Variants in PTPRZ1 observed in about 807,000 individuals in gnomAD.
PTPRZ1 encodes receptor-type tyrosine-protein phosphatase zeta.
PTPRZ1 carries 82 observed loss-of-function variants against 214.1 expected under a neutral mutation model. That is an observed-to-expected ratio of 0.38 (90% CI 0.32 to 0.46). The LOEUF is 0.46. Ranked by LOEUF, PTPRZ1 falls within the 20% of genes least tolerant of loss-of-function variation. PTPRZ1 has a pLI of 1.00. For synonymous variants in PTPRZ1, 945 were observed against 987.9 expected (o/e 0.96, Z 0.81); for missense variants, 2,603 against 2,748.7 (o/e 0.95, Z 1.19).
intron 15 of PTPRZ1, among the ~76,000 whole-genome samples, chr7:122,032,294 C>G (rs1178336716): frequency 6.6e-6 from 1 of 152,196 alleles, no homozygotes; most frequent in Non-Finnish European, 1.5e-5. Flanking sequence ...TCAACTTTCA[C>G]CCATCTCTGG....
At chr7:121,904,549 TTTTTG>T (rs1468469221) in intron 1 of PTPRZ1, among the ~76,000 whole-genome samples, 3 of 152,232 alleles carry the variant, frequency 2.0e-5, no homozygotes, top group Admixed American at 2.0e-4. Flanking sequence ...TTTTTGATCT[TTTTTG>T]TTTTAACACA....
At chr7:121,909,804 T>C (rs934850286) in intron 1 of PTPRZ1, among the ~76,000 whole-genome samples, 2 of 152,030 alleles carry the variant, frequency 1.3e-5, no homozygotes, top group Admixed American at 6.6e-5. Flanking sequence ...TATCTGAAAA[T>C]ATGGAGTTAA....
intron 1 of PTPRZ1, among the ~76,000 whole-genome samples, chr7:121,904,033 A>G (rs1177626413): frequency 6.6e-6 from 1 of 151,504 alleles, no homozygotes; most frequent in Non-Finnish European, 1.5e-5. Context: ...TAAAATTTGA[A>G]CAAAAAGTTC....
chr7:121,877,333 C>CTGTT (rs1464852635), intron 1 of PTPRZ1, among the ~76,000 whole-genome samples: 1 of 152,174 alleles, frequency 6.6e-6, no homozygotes, highest in Non-Finnish European at 1.5e-5. Flanking sequence ...GATCAATTTG[C>CTGTT]TGTTTGGCAT....
rs371636663 is a variant in PTPRZ1 at position 122,011,265 on chromosome 7, C to T, written c.2219C>T (p.Thr740Met). The change falls in exon 12 of 30, where the codon ACG (threonine) becomes ATG (methionine). Residue 740 changes from threonine (T) to methionine (M), a missense_variant. Thr to Met is a moderately conservative substitution (Grantham distance 81). Around this residue, in one of 6 missense-constraint regions of PTPRZ1, gnomAD observed 1,913 missense variants for 1,914.3 expected, o/e 1.00. Transcript: ENST00000393386. ...PSSRQQDLVS[T>M]VNVVYSQTTQ... is the part of the protein sequence containing the mutation. ...TCCAGACAACAGGATTTGGTCTCCA[C>T]GGTCAACGTGGTATACTCGCAGACA... 6.2e-6 allele frequency: 10 copies of T among 1,613,954 alleles called. No individual in the cohort carries two copies. In the East Asian group the frequency reaches 6.7e-5, roughly 11 times the overall value.
chr7:121,907,996 T>G (rs981544171), intron 1 of PTPRZ1, among the ~76,000 whole-genome samples: 2 of 152,074 alleles, frequency 1.3e-5, no homozygotes, highest in Non-Finnish European at 1.5e-5. Flanking sequence ...ATTCAGACTC[T>G]GAGTAGAGAA....
chr7:121,914,680 A>C (rs1377330078), intron 1 of PTPRZ1, among the ~76,000 whole-genome samples: 1 of 152,202 alleles, frequency 6.6e-6, no homozygotes, highest in African/African-American at 2.4e-5. Flanking sequence ...GGTATTTTAA[A>C]GACCAAAATT....
intron 9 of PTPRZ1, among the ~76,000 whole-genome samples, chr7:121,997,113 C>A (rs975341418): frequency 1.7e-4 from 26 of 152,128 alleles, no homozygotes; most frequent in Non-Finnish European, 3.4e-4. Flanking sequence ...GTACAGATTC[C>A]CTTTGTGGCC....
intron 11 of PTPRZ1, among the ~76,000 whole-genome samples, chr7:122,007,012 T>G (rs555824902): frequency 5.6e-4 from 85 of 151,928 alleles, no homozygotes; most frequent in African/African-American, 2.0e-3. Context: ...ACCAGTTAGG[T>G]AAGGAACCTC....
At chr7:121,900,066 A>G (rs987029258) in intron 1 of PTPRZ1, among the ~76,000 whole-genome samples, 1 of 152,172 alleles carries the variant, frequency 6.6e-6, no homozygotes, top group Non-Finnish European at 1.5e-5. Context: ...GAGACAGAAC[A>G]GGGCACGAGA....
intron 10 of PTPRZ1, among the ~76,000 whole-genome samples, chr7:122,002,704 G>C (rs1798366960): frequency 6.6e-6 from 1 of 152,148 alleles, no homozygotes; most frequent in Admixed American, 6.6e-5. Flanking sequence ...AAAGTATGAA[G>C]TTAGGTGGAG....
intron 8 of PTPRZ1, among the ~76,000 whole-genome samples, chr7:121,990,838 G>A (rs1797938656): frequency 6.6e-6 from 1 of 152,094 alleles, no homozygotes. Context: ...CTGTTTGTTT[G>A]TTTGTTTTTT....
At chr7:122,039,429 G>C in intron 19 of PTPRZ1, 25 bp from the exon 20 acceptor site, 1 of 1,606,784 alleles carries the variant, frequency 6.2e-7, no homozygotes, top group Non-Finnish European at 8.5e-7. Flanking sequence ...AAATACAGAA[G>C]TAACATCTAC....
At chr7:121,931,926 T>G (rs987464703) in intron 2 of PTPRZ1, among the ~76,000 whole-genome samples, 6 of 151,798 alleles carry the variant, frequency 4.0e-5, no homozygotes, top group African/African-American at 1.5e-4. Flanking sequence ...TGGTATTTGT[T>G]GTAGGGGGGT....
chr7:122,056,343 C>A (rs996598301), intron 27 of PTPRZ1, among the ~76,000 whole-genome samples: 2 of 151,714 alleles, frequency 1.3e-5, no homozygotes, highest in African/African-American at 4.8e-5. Flanking sequence ...AATACAGGTT[C>A]CTGATTGATC....
intron 23 of PTPRZ1, among the ~76,000 whole-genome samples, chr7:122,051,181 A>G (rs1792169888): frequency 1.3e-5 from 2 of 152,194 alleles, no homozygotes; most frequent in Admixed American, 6.5e-5. Flanking sequence ...GATTATCTCA[A>G]TGCTAAAAGA....
At chr7:121,970,769 G>A (rs1324460558) in intron 3 of PTPRZ1, among the ~76,000 whole-genome samples, 1 of 152,022 alleles carries the variant, frequency 6.6e-6, no homozygotes, top group Non-Finnish European at 1.5e-5. Context: ...TCACTCTGAT[G>A]GTAGTTTCTT....
chr7:122,004,549 G>T, intron 10 of PTPRZ1, 65 bp from the exon 11 acceptor site: 1 of 852,220 alleles, frequency 1.2e-6, no homozygotes, highest in Non-Finnish European at 1.8e-6. Context: ...TTCACCCAAA[G>T]GTAAATCCAC....
intron 2 of PTPRZ1, among the ~76,000 whole-genome samples, chr7:121,966,050 TA>T: frequency 6.6e-6 from 1 of 152,152 alleles, no homozygotes; most frequent in Middle Eastern, 3.4e-3. Flanking sequence ...GAGGTCTGAT[TA>T]GGGAAATATT....
Sources: allele counts gnomAD v4.1 joint callset (sites outside exome capture counted in the v4.1 genomes callset), GRCh38; gene constraint gnomAD v4.1.1; regional missense constraint gnomAD v4.1.1; transcripts MANE v1.5; gene names NCBI Gene and HGNC (gene_info 2026-07-23, HGNC 2026-07-21).